Variants in OSMR observed in about 807,000 individuals in gnomAD.
OSMR encodes oncostatin M receptor, also known as oncostatin-M-specific receptor subunit beta.
A neutral mutation model predicts 99.9 loss-of-function variants in OSMR; 81 were observed. The ratio of observed to expected loss-of-function variants is 0.81; its 90% CI spans 0.68 to 0.97. The LOEUF is 0.97. Among genes scored for constraint, OSMR ranks in the 50% least tolerant of loss-of-function variants. OSMR has a pLI of 0.00. For missense variants in OSMR, 1,099 were observed against 1,153.4 expected (o/e 0.95, Z 0.68); for synonymous variants, 406 against 410.4 (o/e 0.99, Z 0.13).
At chr5:38,861,350 C>T (rs1741287524) in intron 1 of OSMR, among the ~76,000 whole-genome samples, 1 of 152,044 alleles carries the variant, frequency 6.6e-6, no homozygotes, top group Admixed American at 6.5e-5. Context: ...CTTCAAGCAT[C>T]TGTTTAACAA....
chr5:38,928,819 GA>G, intron 15 of OSMR, among the ~76,000 whole-genome samples: 1 of 152,190 alleles, frequency 6.6e-6, no homozygotes, highest in East Asian at 1.9e-4. Flanking sequence ...TACATTATTT[GA>G]GCACTCTTGG....
At chr5:38,892,862 C>T (rs1364866548) in intron 7 of OSMR, among the ~76,000 whole-genome samples, 12 of 151,960 alleles carry the variant, frequency 7.9e-5, no homozygotes, top group Non-Finnish European at 1.6e-4. Flanking sequence ...GGTGACGCCA[C>T]CTTACCCCCT....
At chr5:38,932,413 C>T in intron 16 of OSMR, 50 bp from the exon 17 acceptor site, 3 of 1,355,904 alleles carry the variant, frequency 2.2e-6, no homozygotes. Flanking sequence ...TTGCTCTTAA[C>T]TCGTCCACTG....
intron 9 of OSMR, among the ~76,000 whole-genome samples, chr5:38,906,737 G>A (rs1745262533): frequency 6.6e-6 from 1 of 150,846 alleles, no homozygotes; most frequent in Non-Finnish European, 1.5e-5. Flanking sequence ...AAACTTAAAT[G>A]TCAATTATTA....
chr5:38,923,061 C>T (rs1746307868), intron 12 of OSMR, 89 bp from the exon 13 acceptor site: 3 of 1,535,080 alleles, frequency 2.0e-6, no homozygotes, highest in South Asian at 1.2e-5. Context: ...CAGGCGTGAG[C>T]CAACGTGTCA....
intron 3 of OSMR, among the ~76,000 whole-genome samples, chr5:38,877,532 A>G (rs190849631): frequency 6.6e-6 from 1 of 152,276 alleles, no homozygotes; most frequent in African/African-American, 2.4e-5. Context: ...TGCTATCAAC[A>G]CATCTTTCCA....
At chr5:38,941,732 T>G (rs959715345) in intron 1 of OSMR, 1 of 232,212 alleles carries the variant, frequency 4.3e-6, no homozygotes, top group Non-Finnish European at 8.5e-6. Flanking sequence ...GCTCTTCTTC[T>G]GCTTTGAGGT....
chr5:38,942,883 G>C (rs1294184642), intron 1 of OSMR: 2 of 1,611,884 alleles, frequency 1.2e-6, no homozygotes, highest in Non-Finnish European at 1.7e-6. Flanking sequence ...CTCCGACACG[G>C]AAGTCTGAAT....
chr5:38,855,430 G>GTGGCAAATTGAACTATTGAT (rs1183164303), intron 1 of OSMR, among the ~76,000 whole-genome samples: 14 of 152,100 alleles, frequency 9.2e-5, no homozygotes, highest in Admixed American at 9.2e-4. Flanking sequence ...AACTTAACAT[G>GTGGCAAATTGAACTATTGAT]TGGCAAATTG....
chr5:38,901,585 G>A (rs1744892631), intron 7 of OSMR, among the ~76,000 whole-genome samples: 1 of 152,184 alleles, frequency 6.6e-6, no homozygotes, highest in African/African-American at 2.4e-5. Flanking sequence ...AGGAGTTGCT[G>A]TTTAAAAGCG....
At chr5:38,854,614 T>C (rs1281771402) in intron 1 of OSMR, among the ~76,000 whole-genome samples, 5 of 152,190 alleles carry the variant, frequency 3.3e-5, no homozygotes, top group South Asian at 2.1e-4. Context: ...TGAACAGATA[T>C]CTATTTTCAT....
intron 7 of OSMR, among the ~76,000 whole-genome samples, chr5:38,887,870 T>G (rs997854509): frequency 3.9e-5 from 6 of 152,130 alleles, no homozygotes; most frequent in Non-Finnish European, 5.9e-5. Flanking sequence ...TTCATAAAGT[T>G]TTAAATTTTT....
Position 38,944,896 on chromosome 5 carries a change from TG to T in OSMR, c.*87-49del, listed in dbSNP as rs368774935. On this transcript the variant is annotated intron_variant and NMD_transcript_variant, in intron 2 of 2. Transcript: ENST00000508882. ...CAGTTTTACTAATAATGATTGGATT[TG>T]AATCTGAAGACTCACCTAGTAACAA... The T allele has an allele frequency of 2.2e-4, 351 of 1,610,376 alleles. 3 individuals are homozygous for T. In the South Asian group the frequency reaches 3.7e-3, roughly 17 times the overall value.
rs983118752 is a variant in OSMR, at chr5:38,934,636, C to G, written c.*1192C>G. 2 of 151,954 alleles carry G rather than the reference C, an allele frequency of 1.3e-5. No homozygotes were observed. The highest frequency in any genetic ancestry group is 2.9e-5 in the Non-Finnish European group (2 of 68,012). 9.4% of individuals were successfully genotyped at this position (151,954 alleles called of 1,614,324 possible). Reference sequence around the variant, plus strand: ...TCTCCTGCCCCAGCCTCCAGAGCACCTAGGACTCCAGGTGCATGCTACCAC... The same window carrying G: ...TCTCCTGCCCCAGCCTCCAGAGCACGTAGGACTCCAGGTGCATGCTACCAC... On this transcript the variant is annotated 3_prime_UTR_variant, in exon 18 of 18. Transcript: ENST00000274276.
At chr5:38,940,019 CT>C (rs35397307), downstream of OSMR, 5,429 of 199,784 alleles carry the variant, frequency 0.027, 1 homozygote, top group Middle Eastern at 0.064. Context: ...TAAGCGTAGA[CT>C]TTTTTTTTTT....
chr5:38,942,556 TC>T (rs1211676982), intron 1 of OSMR, among the ~76,000 whole-genome samples: 1 of 149,526 alleles, frequency 6.7e-6, no homozygotes, highest in Non-Finnish European at 1.5e-5. Flanking sequence ...GTTCATATGA[TC>T]CTCCCACCTC....
rs577639946 is a variant in OSMR, at chr5:38,943,761, C to T, written c.75-440C>T. Among the ~76,000 whole-genome samples, 29 of 152,050 alleles carry T rather than the reference C, an allele frequency of 1.9e-4. No individual in the cohort carries two copies. The Middle Eastern group carries it at 0.01, about 54-fold the overall frequency. Reference sequence around the variant, plus strand: ...CCGGGAGGCAGAGGTTGCAGTGAGCCGAGATTGCACCACTGCACTCCAGCC... The same window carrying T: ...CCGGGAGGCAGAGGTTGCAGTGAGCTGAGATTGCACCACTGCACTCCAGCC... On this transcript the variant is annotated intron_variant and NMD_transcript_variant, in intron 1 of 2. Transcript: ENST00000508882.
intron 2 of OSMR, among the ~76,000 whole-genome samples, chr5:38,873,635 C>T (rs754432552): frequency 6.6e-6 from 1 of 152,132 alleles, no homozygotes; most frequent in East Asian, 1.9e-4. Flanking sequence ...TCCACATCCT[C>T]GCCAACACTT....
intron 1 of OSMR, among the ~76,000 whole-genome samples, chr5:38,855,946 T>C (rs1740804866): frequency 6.6e-6 from 1 of 152,296 alleles, no homozygotes; most frequent in African/African-American, 2.4e-5. Context: ...TCTCTGGCTC[T>C]CACCAGCTTG....
Sources: allele counts gnomAD v4.1 joint callset (sites outside exome capture counted in the v4.1 genomes callset), GRCh38; gene constraint gnomAD v4.1.1; transcripts MANE v1.5; gene names NCBI Gene and HGNC (gene_info 2026-07-23, HGNC 2026-07-21).